The following MROH1 variants were observed in gnomAD, a reference collection of about 807,000 sequenced individuals.
MROH1 encodes maestro heat-like repeat-containing protein family member 1.
In MROH1, 117 loss-of-function variants were observed where a neutral mutation model predicts 116.5. The ratio of observed to expected loss-of-function variants is 1.00; its 90% CI spans 0.86 to 1.17. The LOEUF (loss-of-function observed/expected upper bound fraction) is 1.17. Among genes scored for constraint, MROH1 ranks in the 50% most tolerant of loss-of-function variants. The pLI is 0.00. For missense variants in MROH1, 1,873 were observed against 1,338.5 expected (o/e 1.40, Z -6.23); for synonymous variants, 921 against 583.9 (o/e 1.58, Z -8.32).
At chr8:144,216,652 A>G (rs1001773254) in intron 12 of MROH1, among the ~76,000 whole-genome samples, 8 of 149,654 alleles carry the variant, frequency 5.3e-5, no homozygotes, top group Admixed American at 2.0e-4. Flanking sequence ...TGATGTCTTC[A>G]TTGTATTAAT....
chr8:144,247,755 C>G (rs1024303801), intron 31 of MROH1, 76 bp downstream of exon 31: 13 of 702,722 alleles, frequency 1.8e-5, no homozygotes, highest in Non-Finnish European at 3.4e-5. Flanking sequence ...GAGGTGGCAC[C>G]TGGCCTCCCC....
chr8:144,247,498 T>A, intron 30 of MROH1, 62 bp downstream of exon 30: 1 of 760,988 alleles, frequency 1.3e-6, no homozygotes. Context: ...AGGGATGAGG[T>A]GCGGAGTCCA....
rs1304593402 is a variant in MROH1 at position 144,190,908 on chromosome 8, T to A, written c.687T>A (p.His229Gln). Residue 229 changes from histidine to glutamine, a missense_variant, in exon 8 of 44, where the codon CAT becomes CAA. By Grantham distance (24) the His-to-Gln change is conservative. Transcript: ENST00000326134. ...TCAGCGCCTACGATGTTCTCTTCCA[T>A]CAGTGGCTGCAGAGTCGAGAAGCCA... ...DIFSAYDVLF[H>Q]QWLQSREAKL... 1 of 1,613,384 alleles carries A rather than the reference T, an allele frequency of 6.2e-7. No homozygotes were observed. The highest frequency in any genetic ancestry group is 2.2e-5 in the East Asian group (1 of 44,882).
chr8:144,157,709 G>C (rs1231027775), intron 1 of MROH1, among the ~76,000 whole-genome samples: 4 of 116,484 alleles, frequency 3.4e-5, no homozygotes, highest in African/African-American at 9.9e-5. Context: ...AGAAGGGGTT[G>C]CTTTGTCACC....
In MROH1 at chr8:144,241,390, C is replaced by T; in HGVS notation, c.2056-5C>T. ...CCTGCCCGGGGTAAGTGTGCTGCCC[C>T]CCAGGGCCTCGCCTGCTGCTTCGGG... On this transcript the variant is annotated splice_polypyrimidine_tract_variant and splice_region_variant and intron_variant, in intron 21 of 43. Transcript: ENST00000326134. The T allele has an allele frequency of 1.3e-6, 1 of 773,620 alleles. No homozygotes were observed. Among genetic ancestry groups the T allele is most frequent in the South Asian group, 1.4e-5 (1 of 74,002 alleles). 47.9% of individuals were successfully genotyped at this position (773,620 alleles called of 1,614,324 possible). A position where few individuals can be genotyped will look rare whatever the true frequency, so the allele number is the denominator to read the frequency against.
At chr8:144,234,498 G>GGTTTT (rs1839618125) in intron 14 of MROH1, among the ~76,000 whole-genome samples, 1 of 18,090 alleles carries the variant, frequency 5.5e-5, no homozygotes, top group African/African-American at 1.7e-4. Context: ...TTTCTTTTTC[G>GGTTTT]TTTTTTTTTT....
intron 12 of MROH1, among the ~76,000 whole-genome samples, chr8:144,215,394 C>T (rs546894657): frequency 6.6e-6 from 1 of 152,298 alleles, no homozygotes; most frequent in African/African-American, 2.4e-5. Context: ...CAGCAGGACA[C>T]GTAACAGAGC....
rs1845005337 is a variant in MROH1 at position 144,261,281 on chromosome 8, C to T, written c.4775-3C>T. 2 of 743,968 alleles carry T rather than the reference C, an allele frequency of 2.7e-6. No homozygotes were observed. The highest frequency in any genetic ancestry group is 3.4e-5 in the African/African-American group (2 of 58,748). The allele number at this position is 743,968 out of a possible 1,614,324, so 46.1% of individuals were successfully genotyped here. ...AGCCCCGCCTGATGCCCCCACTTCA[C>T]AGGGTTCCTGGTGCTGCACTCGGAG... On this transcript the variant is annotated splice_polypyrimidine_tract_variant and splice_region_variant and intron_variant, in intron 42 of 43. Coordinates refer to ENST00000326134, the MANE Select transcript of MROH1 (RefSeq NM_032450.3).
intron 14 of MROH1, 102 bp downstream of exon 14, chr8:144,223,332 T>C (rs1250010532): frequency 7.0e-7 from 1 of 1,438,650 alleles, no homozygotes; most frequent in East Asian, 2.5e-5. Context: ...GGTGGATATG[T>C]GGGCTGCAGT....
chr8:144,223,641 A>G (rs1054867897), intron 14 of MROH1, among the ~76,000 whole-genome samples: 1 of 152,182 alleles, frequency 6.6e-6, no homozygotes, highest in Non-Finnish European at 1.5e-5. Context: ...GGGCTTTTCT[A>G]TTTAAGAAGT....
At chr8:144,252,880 C>T (rs1280691479) in intron 33 of MROH1, among the ~76,000 whole-genome samples, 1 of 151,878 alleles carries the variant, frequency 6.6e-6, no homozygotes, top group African/African-American at 2.4e-5. Flanking sequence ...CACTTGAACC[C>T]AGGAGGCGGA....
intron 4 of MROH1, among the ~76,000 whole-genome samples, chr8:144,170,025 G>A (rs1822051511): frequency 6.6e-6 from 1 of 152,166 alleles, no homozygotes; most frequent in Non-Finnish European, 1.5e-5. Flanking sequence ...TAGAGATGGG[G>A]TTTCACCATG....
At chr8:144,246,234 G>T (rs1271898552) in intron 29 of MROH1, among the ~76,000 whole-genome samples, 1 of 151,532 alleles carries the variant, frequency 6.6e-6, no homozygotes, top group African/African-American at 2.4e-5. Context: ...CCAGCCTCCC[G>T]AGTAGCTGGG....
chr8:144,169,407 G>A (rs1289104371), intron 4 of MROH1, among the ~76,000 whole-genome samples: 1 of 151,162 alleles, frequency 6.6e-6, no homozygotes, highest in Non-Finnish European at 1.5e-5. Flanking sequence ...AGCTGTCTTA[G>A]CTGTTTATTT....
intron 14 of MROH1, among the ~76,000 whole-genome samples, chr8:144,223,491 T>C (rs1837228611): frequency 6.6e-6 from 1 of 152,150 alleles, no homozygotes; most frequent in Admixed American, 6.6e-5. Flanking sequence ...CCCTCCCGCC[T>C]CAGCCCCCCA....
rs1057270137 is a variant in MROH1, at chr8:144,158,495, C to A, written c.-176-2475C>A. On this transcript the variant is annotated intron_variant, in intron 1 of 43. Transcript: ENST00000326134. ...ACATTCTCTGTATACTTTAATCATT[C>A]TTCTTTTCTAAAAAGACATTTAGTG... is the stretch of plus-strand genomic sequence containing the variant. Among the ~76,000 whole-genome samples the A allele has an allele frequency of 3.5e-4, 53 of 152,280 alleles. No individual in the cohort carries two copies. In the South Asian group the frequency reaches 0.011, roughly 30 times the overall value.
intron 14 of MROH1, among the ~76,000 whole-genome samples, chr8:144,235,909 C>G (rs1284804384): frequency 6.6e-6 from 1 of 152,174 alleles, no homozygotes; most frequent in Non-Finnish European, 1.5e-5. Context: ...TCACTGACTA[C>G]TAAATATCTT....
In MROH1 at chr8:144,189,074, G is replaced by A. The variant is rs369780972; in HGVS notation, c.563-1710G>A. ...TGGAGAAAATTAAAAGTAATTGTTT[G>A]AAAATACCAAGTTTAGATTGTGCTT... On this transcript the variant is annotated intron_variant, in intron 7 of 43. Coordinates refer to ENST00000326134, the MANE Select transcript of MROH1 (RefSeq NM_032450.3). Among the ~76,000 whole-genome samples the A allele has an allele frequency of 3.9e-5, 6 of 152,326 alleles. No individual in the cohort carries two copies. The East Asian group carries it at 1.2e-3, about 29-fold the overall frequency.
chr8:144,198,024 G>A (rs1475095009), intron 10 of MROH1, among the ~76,000 whole-genome samples: 7 of 147,780 alleles, frequency 4.7e-5, no homozygotes, highest in Non-Finnish European at 1.0e-4. Context: ...ACTCCAGCCT[G>A]GGCAACAAGA....
Sources: gnomAD v4.1 joint callset for allele counts (sites outside exome capture counted in the v4.1 genomes callset) on GRCh38, gnomAD v4.1.1 for gene constraint, MANE v1.5 for transcripts, NCBI Gene and HGNC (gene_info 2026-07-23, HGNC 2026-07-21) for gene names.